Variants in GBE1 observed in about 807,000 individuals in gnomAD.
The protein encoded by GBE1 is 1,4-alpha-glucan-branching enzyme.
GBE1 carries 70 observed loss-of-function variants against 88.8 expected under a neutral mutation model. That is an observed-to-expected ratio of 0.79 (90% CI 0.65 to 0.96). GBE1 has a LOEUF of 0.96. Ranked by LOEUF, GBE1 falls within the 40% of genes least tolerant of loss-of-function variation. The pLI, the probability that GBE1 is intolerant of heterozygous loss-of-function variation, is 0.00. For missense variants in GBE1, 872 were observed against 871.0 expected (o/e 1.00, Z -0.01); for synonymous variants, 284 against 300.1 (o/e 0.95, Z 0.56).
intron 7 of GBE1, among the ~76,000 whole-genome samples, chr3:81,641,707 G>A (rs1046927758): frequency 1.3e-5 from 2 of 151,880 alleles, no homozygotes; most frequent in East Asian, 3.9e-4. Context: ...AATAATGTAT[G>A]ATATCCAGAA....
At chr3:81,496,079 A>C (rs868218054) in intron 15 of GBE1, among the ~76,000 whole-genome samples, 20 of 152,264 alleles carry the variant, frequency 1.3e-4, no homozygotes, top group South Asian at 6.2e-4. Context: ...CCCTGCCTCC[A>C]GTGCACTGAT....
intron 7 of GBE1, among the ~76,000 whole-genome samples, chr3:81,619,678 T>C (rs906962144): frequency 2.1e-4 from 32 of 152,096 alleles, no homozygotes; most frequent in Non-Finnish European, 3.1e-4. Flanking sequence ...AATAATTATA[T>C]ACATAATTGT....
intron 10 of GBE1, among the ~76,000 whole-genome samples, chr3:81,584,374 C>G (rs1416506109): frequency 6.6e-6 from 1 of 151,976 alleles, no homozygotes; most frequent in East Asian, 1.9e-4. Flanking sequence ...TTTAATAACT[C>G]TTGTGTGTTT....
intron 7 of GBE1, among the ~76,000 whole-genome samples, chr3:81,628,409 A>G (rs886998814): frequency 6.6e-6 from 1 of 151,970 alleles, no homozygotes; most frequent in African/African-American, 2.4e-5. Context: ...AATCTTGTGG[A>G]CTCTAACAGT....
chr3:81,646,877 T>C (rs999178709), intron 5 of GBE1, among the ~76,000 whole-genome samples: 14 of 152,114 alleles, frequency 9.2e-5, no homozygotes, highest in African/African-American at 3.4e-4. Context: ...ATTTTGACTC[T>C]ATGTATTTCT....
chr3:81,619,761 T>C (rs1217328954), intron 7 of GBE1, among the ~76,000 whole-genome samples: 1 of 152,138 alleles, frequency 6.6e-6, no homozygotes, highest in Non-Finnish European at 1.5e-5. Context: ...AATAGAATTA[T>C]CACTTTTCAA....
At chr3:81,618,674 T>C (rs1165608917) in intron 7 of GBE1, among the ~76,000 whole-genome samples, 6 of 152,126 alleles carry the variant, frequency 3.9e-5, no homozygotes, top group Non-Finnish European at 7.4e-5. Context: ...AGAAATTTCA[T>C]TGAGGATGCA....
At chr3:81,701,627 A>G (rs192047356) in intron 2 of GBE1, among the ~76,000 whole-genome samples, 1 of 152,240 alleles carries the variant, frequency 6.6e-6, no homozygotes, top group Admixed American at 6.5e-5. Context: ...AGTTAAAACA[A>G]TTATGATCAC....
In GBE1 at chr3:81,750,639, A is replaced by ACG. The variant is rs1559708814; in HGVS notation, c.143+10735_143+10736insCG. On this transcript the variant is annotated intron_variant, in intron 1 of 15. Coordinates refer to ENST00000429644, the MANE Select transcript of GBE1 (RefSeq NM_000158.4). ...TATGTATATATATATACGTATATAT[A>ACG]TATATGTATATATATATATGTATAT... Among the ~76,000 whole-genome samples the ACG allele has an allele frequency of 4.8e-4, 26 of 54,544 alleles. 2 individuals carry two copies. Among genetic ancestry groups the ACG allele is most frequent in the African/African-American group, 2.8e-3 (24 of 8,470 alleles). The allele number at this position is 54,544 out of a possible 152,430, so 35.8% of individuals were successfully genotyped here.
chr3:81,712,095 A>C (rs920336869), intron 1 of GBE1, among the ~76,000 whole-genome samples: 8 of 152,200 alleles, frequency 5.3e-5, no homozygotes, highest in Non-Finnish European at 8.8e-5. Flanking sequence ...ATCAAAACCA[A>C]AATGAGATAC....
In GBE1 at chr3:81,761,373, AC is replaced by A. The variant is rs1291163729; in HGVS notation, c.143+1del. On this transcript the variant is annotated splice_donor_variant, in intron 1 of 15. Coordinates refer to ENST00000429644, the MANE Select transcript of GBE1 (RefSeq NM_000158.4). LOFTEE classifies it high-confidence loss of function. ...GTGGGGGTGGTGGGATTCCGGCGGT[AC>A]CTGCGCTGGAAGTCCACGGCGTAGG... 6.2e-7 allele frequency: 1 copy of A among 1,605,730 alleles called. No homozygotes were observed. Among genetic ancestry groups the A allele is most frequent in the African/African-American group, 1.3e-5 (1 of 74,332 alleles).
intron 3 of GBE1, chr3:81,654,611 C>T (rs750575730): frequency 6.6e-6 from 1 of 152,068 alleles, no homozygotes; most frequent in Non-Finnish European, 1.5e-5. Flanking sequence ...AATTATACTA[C>T]AAATATCTCC....
At chr3:81,659,014 C>A (rs758467160) in intron 3 of GBE1, among the ~76,000 whole-genome samples, 1 of 151,742 alleles carries the variant, frequency 6.6e-6, no homozygotes, top group African/African-American at 2.4e-5. Context: ...AGATCAATAT[C>A]GTAATAAAAG....
At chr3:81,559,089 A>G (rs1703386633) in intron 12 of GBE1, among the ~76,000 whole-genome samples, 1 of 152,084 alleles carries the variant, frequency 6.6e-6, no homozygotes, top group Admixed American at 6.6e-5. Flanking sequence ...ACAGTAAAAC[A>G]TATCTTAACT....
At chr3:81,587,585 T>C (rs1338493356) in intron 9 of GBE1, among the ~76,000 whole-genome samples, 1 of 152,188 alleles carries the variant, frequency 6.6e-6, no homozygotes, top group Non-Finnish European at 1.5e-5. Flanking sequence ...GCATTTACTA[T>C]ATGATTTACT....
intron 15 of GBE1, among the ~76,000 whole-genome samples, chr3:81,496,189 A>G (rs539117874): frequency 6.6e-6 from 1 of 152,390 alleles, no homozygotes; most frequent in East Asian, 1.9e-4. Flanking sequence ...AGTAAAGCAG[A>G]CTGGCAGAGC....
chr3:81,535,208 C>T lies in GBE1; in HGVS notation c.1921G>A (p.Ala641Thr), dbSNP rs767133103. 2 of 1,609,656 alleles carry T rather than the reference C, an allele frequency of 1.2e-6. No individual in the cohort carries two copies. The highest frequency in any genetic ancestry group is 1.1e-5 in the South Asian group (1 of 90,548). Reference sequence around the variant, plus strand: ...CAAAAAGGATATTTCCCTGGCAATGCTGTTCCAACTCGGTAGTCAGTGTAG... The same window carrying T: ...CAAAAAGGATATTTCCCTGGCAATGTTGTTCCAACTCGGTAGTCAGTGTAG... ...KSYTDYRVGTALPGKFKIVLD... is the reference protein window; with the variant it reads ...KSYTDYRVGTTLPGKFKIVLD... Residue 641 changes from alanine (A) to threonine (T), a missense_variant, in exon 14 of 16, where the codon GCA (alanine) becomes ACA (threonine). Transcript: ENST00000429644.
intron 1 of GBE1, among the ~76,000 whole-genome samples, chr3:81,717,310 G>A (rs1368566342): frequency 2.0e-5 from 3 of 152,138 alleles, no homozygotes; most frequent in African/African-American, 7.2e-5. Flanking sequence ...CCAGAGGTAT[G>A]GGCTAGACAG....
chr3:81,509,292 GT>G (rs908858073), intron 14 of GBE1, among the ~76,000 whole-genome samples: 1 of 130,596 alleles, frequency 7.7e-6, no homozygotes, highest in Non-Finnish European at 1.7e-5. Context: ...TTTAGGGTTT[GT>G]CTTTTTTTTT....
Sources: allele counts gnomAD v4.1 joint callset (sites outside exome capture counted in the v4.1 genomes callset), GRCh38; gene constraint gnomAD v4.1.1; transcripts MANE v1.5; gene names NCBI Gene and HGNC (gene_info 2026-07-23, HGNC 2026-07-21).